Variants in GRIA4 observed in about 807,000 individuals in gnomAD.
The protein encoded by GRIA4 is glutamate ionotropic receptor AMPA type subunit 4.
GRIA4 carries 34 observed loss-of-function variants against 104.0 expected under a neutral mutation model. The observed-to-expected ratio is 0.33, with a 90% CI of 0.25 to 0.44. The LOEUF (loss-of-function observed/expected upper bound fraction) is 0.44, where lower values mean the gene tolerates loss of function less well. GRIA4 is among the 20% of genes least tolerant of loss of function. The pLI is 1.00. For missense variants in GRIA4, 750 were observed against 1,096.5 expected (o/e 0.68, Z 4.46); for synonymous variants, 386 against 381.9 (o/e 1.01, Z -0.13).
At position 105,863,391 on chromosome 11, in the gene GRIA4, A is replaced by AAT. The variant is rs148725532; in HGVS notation, c.672+1199_672+1200dup. Among the ~76,000 whole-genome samples the AAT allele has an allele frequency of 6.2e-3, 926 of 148,766 alleles. 10 individuals are homozygous for AAT. The highest frequency in any genetic ancestry group is 0.039 in the South Asian group (183 of 4,748). ...CGTCCCTTTGTAGAAGAAAAAGCTA[A>AAT]ATATATATATATATATACTGAAGAA... On this transcript the variant is annotated intron_variant, in intron 5 of 16. Transcript: ENST00000282499.
At chr11:105,906,742 G>A (rs1484638956) in intron 9 of GRIA4, among the ~76,000 whole-genome samples, 1 of 152,132 alleles carries the variant, frequency 6.6e-6, no homozygotes, top group African/African-American at 2.4e-5. Flanking sequence ...GCACCTCACA[G>A]CAGGCTCTTC....
chr11:105,663,395 TACTGAGC>T (rs1231326693), intron 3 of GRIA4, among the ~76,000 whole-genome samples: 1 of 151,960 alleles, frequency 6.6e-6, no homozygotes, highest in African/African-American at 2.4e-5. Context: ...ATATTCCAGG[TACTGAGC>T]TCTACAGATA....
chr11:105,696,867 C>T (rs749717318), intron 3 of GRIA4, among the ~76,000 whole-genome samples: 39 of 151,996 alleles, frequency 2.6e-4, no homozygotes, highest in Admixed American at 3.9e-4. Flanking sequence ...TGGGTTCAAG[C>T]AATTCTTCTG....
chr11:105,731,721 T>G (rs1369023580), intron 3 of GRIA4, among the ~76,000 whole-genome samples: 1 of 152,158 alleles, frequency 6.6e-6, no homozygotes, highest in Non-Finnish European at 1.5e-5. Context: ...GTTCATGTAC[T>G]TTGCAGGGAC....
chr11:105,902,488 C>G (rs905243434), intron 7 of GRIA4, among the ~76,000 whole-genome samples: 2 of 151,998 alleles, frequency 1.3e-5, no homozygotes, highest in African/African-American at 2.4e-5. Context: ...TGCACACAAC[C>G]ACGCCTGGCT....
At chr11:105,812,528 A>G (rs1415544897) in intron 4 of GRIA4, among the ~76,000 whole-genome samples, 1 of 152,090 alleles carries the variant, frequency 6.6e-6, no homozygotes, top group African/African-American at 2.4e-5. Flanking sequence ...CAAATTTTTT[A>G]TCTTTGAAAT....
intron 5 of GRIA4, among the ~76,000 whole-genome samples, chr11:105,874,542 A>G (rs1945744021): frequency 6.6e-6 from 1 of 152,132 alleles, no homozygotes; most frequent in Non-Finnish European, 1.5e-5. Context: ...GATTCTTCCT[A>G]TCCATAAGCA....
chr11:105,881,075 G>T (rs547896448), intron 5 of GRIA4, among the ~76,000 whole-genome samples: 1 of 152,132 alleles, frequency 6.6e-6, no homozygotes, highest in African/African-American at 2.4e-5. Context: ...AATGAAAGAT[G>T]CATTTATCAA....
At chr11:105,800,302 C>A (rs1315759225) in intron 4 of GRIA4, among the ~76,000 whole-genome samples, 1 of 151,986 alleles carries the variant, frequency 6.6e-6, no homozygotes, top group Non-Finnish European at 1.5e-5. Flanking sequence ...GAGGAAGTTA[C>A]ACATAGCTTA....
chr11:105,850,295 ATAAG>A (rs1404633061), intron 4 of GRIA4, among the ~76,000 whole-genome samples: 8 of 152,222 alleles, frequency 5.3e-5, no homozygotes, highest in African/African-American at 1.9e-4. Flanking sequence ...TAATTAAAAT[ATAAG>A]TACTTTTTGG....
At chr11:105,694,092 C>T (rs900994507) in intron 3 of GRIA4, among the ~76,000 whole-genome samples, 7 of 152,040 alleles carry the variant, frequency 4.6e-5, no homozygotes, top group African/African-American at 1.7e-4. Context: ...GTAAACTAGC[C>T]CTGTCCAATA....
rs1859163779 is a variant in GRIA4 at position 105,979,473 on chromosome 11, C to G, written c.2545-102C>G. 6 of 1,038,200 alleles carry G rather than the reference C, an allele frequency of 5.8e-6. No homozygotes were observed. The South Asian group carries it at 7.5e-5, about 13-fold the overall frequency. 64.3% of individuals were successfully genotyped at this position (1,038,200 alleles called of 1,614,324 possible). ...AAGAACATGGAAAAAATGCAGATGTCTAATTATTTATATTTCGGTGTTTGT... is the reference window on the plus strand; with the variant it reads ...AAGAACATGGAAAAAATGCAGATGTGTAATTATTTATATTTCGGTGTTTGT... On this transcript the variant is annotated intron_variant, in intron 16 of 16. Coordinates refer to ENST00000282499, the MANE Select transcript of GRIA4 (RefSeq NM_000829.4).
intron 3 of GRIA4, among the ~76,000 whole-genome samples, chr11:105,665,630 A>G (rs1952142032): frequency 6.6e-6 from 1 of 151,980 alleles, no homozygotes; most frequent in Non-Finnish European, 1.5e-5. Context: ...CATCTAAACA[A>G]AGCTATTAAT....
chr11:105,845,489 C>G (rs1944549998), intron 4 of GRIA4, among the ~76,000 whole-genome samples: 1 of 152,090 alleles, frequency 6.6e-6, no homozygotes, highest in Non-Finnish European at 1.5e-5. Flanking sequence ...GTAAGAAGAG[C>G]ATGTAGGAAG....
chr11:105,660,372 A>AATGTAAT (rs1255795557), intron 3 of GRIA4, among the ~76,000 whole-genome samples: 18 of 151,772 alleles, frequency 1.2e-4, no homozygotes, highest in Admixed American at 9.2e-4. Flanking sequence ...GTCCAATATC[A>AATGTAAT]GACTAAGAAT....
intron 3 of GRIA4, among the ~76,000 whole-genome samples, chr11:105,734,429 T>C (rs1938805132): frequency 6.6e-6 from 1 of 152,142 alleles, no homozygotes; most frequent in African/African-American, 2.4e-5. Context: ...GCTAGACTAC[T>C]GCAATACCAG....
chr11:105,782,343 G>A (rs7119216), intron 4 of GRIA4, among the ~76,000 whole-genome samples: 7,452 of 152,180 alleles, frequency 0.049, 447 homozygotes, highest in African/African-American at 0.15. Flanking sequence ...ATTTTCAAAA[G>A]TTTTCATACT....
chr11:105,709,144 T>C (rs1295434564), intron 3 of GRIA4, among the ~76,000 whole-genome samples: 2 of 152,088 alleles, frequency 1.3e-5, no homozygotes, highest in African/African-American at 2.4e-5. Flanking sequence ...GAAAAGCATA[T>C]GGAAAGGATT....
At chr11:105,845,727 C>T (rs1306106199) in intron 4 of GRIA4, among the ~76,000 whole-genome samples, 2 of 151,778 alleles carry the variant, frequency 1.3e-5, no homozygotes, top group African/African-American at 4.8e-5. Context: ...ACTAAAAATA[C>T]AAAAAAATTA....
Sources: allele counts gnomAD v4.1 joint callset (sites outside exome capture counted in the v4.1 genomes callset), GRCh38; gene constraint gnomAD v4.1.1; transcripts MANE v1.5; gene names NCBI Gene and HGNC (gene_info 2026-07-23, HGNC 2026-07-21).